Variants in SLC24A4 observed in about 807,000 individuals in gnomAD.
SLC24A4 encodes the protein sodium/potassium/calcium exchanger 4.
SLC24A4 carries 53 observed loss-of-function variants against 79.0 expected under a neutral mutation model. That is an observed-to-expected ratio of 0.67 (90% confidence interval 0.54 to 0.84). The LOEUF is 0.84. Among genes scored for constraint, SLC24A4 ranks in the 40% least tolerant of loss-of-function variants. The pLI is 0.00. For synonymous variants in SLC24A4, 323 were observed against 323.8 expected, an observed-to-expected ratio of 1.00 and a Z score of 0.03; for missense variants, 731 against 822.0, an observed-to-expected ratio of 0.89 and a Z score of 1.35.
chr14:92,454,221 C>T, intron 11 of SLC24A4, 152 bp downstream of exon 11: 1 of 709,760 alleles, frequency 1.4e-6, no homozygotes, highest in Non-Finnish European at 2.3e-6. Flanking sequence ...CCACAGGCAG[C>T]AAATTATCCT....
chr14:92,359,326 A>C (rs1040791733), intron 2 of SLC24A4, among the ~76,000 whole-genome samples: 1 of 142,540 alleles, frequency 7.0e-6, no homozygotes, highest in Non-Finnish European at 1.5e-5. Context: ...CTATAATCCC[A>C]GCACTTTGGG....
chr14:92,359,313 C>T (rs1198426491), intron 2 of SLC24A4, among the ~76,000 whole-genome samples: 5 of 144,698 alleles, frequency 3.5e-5, no homozygotes, highest in African/African-American at 8.4e-5. Flanking sequence ...CAGTGGCTCA[C>T]GCCTATAATC....
In SLC24A4 at chr14:92,449,319, CACA is replaced by C. The variant is rs1893007443; in HGVS notation, c.880+104_880+106del. ...ACACACACACACACACACACACACA[CACA>C]CCCTCTCACAATGTCCCCCCTCTAA... On this transcript the variant is annotated intron_variant, in intron 10 of 16. Coordinates refer to ENST00000532405, the MANE Select transcript of SLC24A4 (RefSeq NM_153646.4). 5.6e-3 allele frequency: 7,215 copies of C among 1,294,092 alleles called. 42 individuals carry two copies. Among genetic ancestry groups the C allele is most frequent in the Non-Finnish European group, 6.2e-3 (5,803 of 938,560 alleles). The allele number at this position is 1,294,092 out of a possible 1,614,324, so 80.2% of individuals were successfully genotyped here. A position where few individuals can be genotyped will look rare whatever the true frequency, so the allele number is the denominator to read the frequency against.
intron 14 of SLC24A4, among the ~76,000 whole-genome samples, chr14:92,487,059 T>C (rs1421845202): frequency 2.0e-5 from 3 of 152,148 alleles, no homozygotes; most frequent in Non-Finnish European, 4.4e-5. Context: ...CAATGTGAGA[T>C]TGAACAGAGG....
chr14:92,493,593 T>C lies in SLC24A4; in HGVS notation c.1834T>C (p.Phe612Leu). 1.2e-6 allele frequency: 2 copies of C among 1,614,198 alleles called. No homozygotes were observed. The highest frequency in any genetic ancestry group is 1.7e-6 in the Non-Finnish European group (2 of 1,180,030). ...AATGATAGAGTTTAACGTCTTTACC[T>C]TCGTCAACTTGCCGATGTGCCGGGA... Reference protein sequence around the residue: ...SIMIEFNVFTFVNLPMCREDD With the variant: ...SIMIEFNVFTLVNLPMCREDD The change falls in exon 17 of 17, where the codon TTC (phenylalanine) becomes CTC (leucine). Residue 612 changes from phenylalanine to leucine, a missense_variant. Physicochemically the swap from Phe to Leu is conservative, Grantham distance 22. Coordinates refer to ENST00000532405, the MANE Select transcript of SLC24A4 (RefSeq NM_153646.4).
At chr14:92,328,152 G>A (rs1317644907) in intron 2 of SLC24A4, among the ~76,000 whole-genome samples, 2 of 152,204 alleles carry the variant, frequency 1.3e-5, no homozygotes, top group East Asian at 1.9e-4. Flanking sequence ...TCTCAGGCCA[G>A]GTGGGGTCTG....
intron 12 of SLC24A4, among the ~76,000 whole-genome samples, chr14:92,474,841 G>GTGTGTA (rs1894658762): frequency 3.0e-5 from 1 of 33,788 alleles, no homozygotes; most frequent in African/African-American, 7.9e-5. Context: ...GTGTGTGTGT[G>GTGTGTA]TGTATATATA....
At position 92,323,718 on chromosome 14, in the gene SLC24A4, G is replaced by A; in HGVS notation, c.-113G>A. 3.7e-6 allele frequency: 5 copies of A among 1,349,068 alleles called. No individual in the cohort carries two copies. Among genetic ancestry groups the A allele is most frequent in the Non-Finnish European group, 4.9e-6 (5 of 1,021,890 alleles). The allele number at this position is 1,349,068 out of a possible 1,614,324, so 83.6% of individuals were successfully genotyped here. A position where few individuals can be genotyped will look rare whatever the true frequency, so the allele number is the denominator to read the frequency against. On this transcript the variant is annotated 5_prime_UTR_variant, in exon 1 of 17. Transcript: ENST00000532405. This position sits in a 1 kb window ranked among gnomAD's most constrained non-coding sequence, Gnocchi z 4.9. Reference sequence around the variant, plus strand: ...ATGAGGCTTTGGCCCGGAGCTCCTCGCCTCTGAGTCGCGCACCGCCTGCTC... The same window carrying A: ...ATGAGGCTTTGGCCCGGAGCTCCTCACCTCTGAGTCGCGCACCGCCTGCTC...
Position 92,490,856 on chromosome 14 carries a change from G to C in SLC24A4, c.1538-809G>C, listed in dbSNP as rs1895641063. Among the ~76,000 whole-genome samples the C allele has an allele frequency of 6.6e-6, 1 of 152,254 alleles. No individual in the cohort carries two copies. The highest frequency in any genetic ancestry group is 6.5e-5 in the Admixed American group (1 of 15,290). On this transcript the variant is annotated intron_variant, in intron 14 of 16. Coordinates refer to ENST00000532405, the MANE Select transcript of SLC24A4 (RefSeq NM_153646.4). The surrounding 1 kb of genome is among the most constrained non-coding windows in gnomAD (Gnocchi z 4.3). ...GTGCCGTAAACAACGGAAGTGTATT[G>C]TCTTGTGGTTCCGGAGGCCAGAAGC...
intron 2 of SLC24A4, among the ~76,000 whole-genome samples, chr14:92,383,238 A>T (rs969160199): frequency 6.6e-6 from 1 of 152,156 alleles, no homozygotes; most frequent in Admixed American, 6.5e-5. Flanking sequence ...GCTGGAAGTA[A>T]GATATGGGGC....
intron 2 of SLC24A4, among the ~76,000 whole-genome samples, chr14:92,395,138 T>G (rs1889692987): frequency 6.6e-6 from 1 of 152,212 alleles, no homozygotes; most frequent in Non-Finnish European, 1.5e-5. Flanking sequence ...ATTGTCATCT[T>G]ATTTTCTTTA....
chr14:92,373,989 A>G (rs570855142), intron 2 of SLC24A4, among the ~76,000 whole-genome samples: 1 of 152,204 alleles, frequency 6.6e-6, no homozygotes, highest in African/African-American at 2.4e-5. Flanking sequence ...ATTCATAAAT[A>G]TATCAGTCAG....
intron 7 of SLC24A4, among the ~76,000 whole-genome samples, chr14:92,444,621 G>A (rs1253553457): frequency 6.6e-6 from 1 of 152,166 alleles, no homozygotes; most frequent in Non-Finnish European, 1.5e-5. Flanking sequence ...TTGGAAGGCC[G>A]AGGCGGGCTG....
intron 2 of SLC24A4, among the ~76,000 whole-genome samples, chr14:92,335,647 GC>G (rs1296644774): frequency 1.3e-5 from 2 of 152,188 alleles, no homozygotes; most frequent in Non-Finnish European, 2.9e-5. Context: ...ACAGGCGTGA[GC>G]CACTGCGCCC....
chr14:92,447,383 G>A lies in SLC24A4; in HGVS notation c.696G>A (p.Leu232=). Residue 232 remains leucine (L), a synonymous_variant, in exon 9 of 17, where the codon CTG becomes CTA. Coordinates refer to ENST00000532405, the MANE Select transcript of SLC24A4 (RefSeq NM_153646.4). ...YDEQIVWWEG[L]VLIILYVFYI... ...TTCTCTCTTTGAGGTGGGAAGGCCT[G>A]GTGCTCATCATCTTGTATGTGTTTT... The A allele has an allele frequency of 6.2e-7, 1 of 1,614,106 alleles. No homozygotes were observed. Among genetic ancestry groups the A allele is most frequent in the South Asian group, 1.1e-5 (1 of 91,082 alleles).
rs1285381925 is a variant in SLC24A4, at chr14:92,496,136, C to T, written c.*2508C>T. The T allele has an allele frequency of 6.6e-6, 1 of 152,588 alleles. No homozygotes were observed. Among genetic ancestry groups the T allele is most frequent in the African/African-American group, 2.4e-5 (1 of 41,440 alleles). 9.5% of individuals were successfully genotyped at this position (152,588 alleles called of 1,614,324 possible). ...TAGTCTCTAAAGTTGCAGTTAGAAA[C>T]TAAAATAATGTTTTTTAATATGTAA... On this transcript the variant is annotated 3_prime_UTR_variant, in exon 17 of 17. Coordinates refer to ENST00000532405, the MANE Select transcript of SLC24A4 (RefSeq NM_153646.4).
chr14:92,409,331 G>C (rs370694884), intron 2 of SLC24A4, among the ~76,000 whole-genome samples: 3 of 152,238 alleles, frequency 2.0e-5, no homozygotes, highest in East Asian at 3.8e-4. Flanking sequence ...TTCCTGCAAA[G>C]CTGAGCAAAG....
At chr14:92,393,868 A>G (rs1344296540) in intron 2 of SLC24A4, among the ~76,000 whole-genome samples, 1 of 151,830 alleles carries the variant, frequency 6.6e-6, no homozygotes, top group African/African-American at 2.4e-5. Flanking sequence ...AAAATTAGCC[A>G]GGTATGGTGG....
chr14:92,333,098 T>A (rs771006190), intron 2 of SLC24A4, among the ~76,000 whole-genome samples: 10 of 152,148 alleles, frequency 6.6e-5, no homozygotes, highest in African/African-American at 2.2e-4. Context: ...CTTCTGGGTT[T>A]AAAAAATTTT....
Sources: gnomAD v4.1 joint callset for allele counts (sites outside exome capture counted in the v4.1 genomes callset) on GRCh38, gnomAD v4.1.1 for gene constraint, Gnocchi (gnomAD v3.1) non-coding constraint, MANE v1.5 for transcripts, NCBI Gene and HGNC (gene_info 2026-07-23, HGNC 2026-07-21) for gene names.